The following CNTN5 variants were observed in gnomAD, a reference collection of about 807,000 sequenced individuals.
CNTN5 encodes contactin 5, also known as contactin-5.
A neutral mutation model predicts 129.1 loss-of-function variants in CNTN5; 77 were observed. The observed-to-expected ratio is 0.60, with a 90% CI of 0.50 to 0.72. CNTN5 has a LOEUF of 0.72. CNTN5 is among the 30% of genes least tolerant of loss of function. The pLI is 0.00. For synonymous variants in CNTN5, 509 were observed against 465.6 expected (o/e 1.09, Z -1.20); for missense variants, 1,478 against 1,328.8 (o/e 1.11, Z -1.75).
At chr11:100,065,302 G>A (rs1360391990) in intron 10 of CNTN5, among the ~76,000 whole-genome samples, 1 of 151,556 alleles carries the variant, frequency 6.6e-6, no homozygotes, top group Non-Finnish European at 1.5e-5. Flanking sequence ...TTTTCATCCA[G>A]CCCTGTGAAT....
intron 13 of CNTN5, among the ~76,000 whole-genome samples, chr11:100,134,674 A>G (rs1346137358): frequency 6.6e-6 from 1 of 152,186 alleles, no homozygotes. Flanking sequence ...TTGTGCAACA[A>G]AACTGCACAT....
At chr11:100,018,112 A>G (rs1470854159) in intron 9 of CNTN5, among the ~76,000 whole-genome samples, 1 of 152,024 alleles carries the variant, frequency 6.6e-6, no homozygotes, top group Non-Finnish European at 1.5e-5. Flanking sequence ...CTGTACTGCT[A>G]AAGTATTTCT....
chr11:99,481,763 T>C (rs1945610902), intron 2 of CNTN5, among the ~76,000 whole-genome samples: 1 of 152,180 alleles, frequency 6.6e-6, no homozygotes, highest in Non-Finnish European at 1.5e-5. Flanking sequence ...TAAATACTTA[T>C]CTTTTTAATT....
intron 13 of CNTN5, among the ~76,000 whole-genome samples, chr11:100,127,744 C>T (rs538943113): frequency 8.1e-4 from 121 of 149,416 alleles, no homozygotes; most frequent in African/African-American, 1.5e-3. Flanking sequence ...CTGCCACCTC[C>T]GCCTTCCAGG....
chr11:99,037,571 C>CTTTTTTTTTTTTT (rs1863800101), intron 1 of CNTN5, among the ~76,000 whole-genome samples: 1 of 118,266 alleles, frequency 8.5e-6, no homozygotes, highest in African/African-American at 3.3e-5. Context: ...CTTCTTTTTT[C>CTTTTTTTTTTTTT]TTTTCTTTTT....
chr11:99,715,709 C>T (rs968035198), intron 3 of CNTN5, among the ~76,000 whole-genome samples: 2 of 151,858 alleles, frequency 1.3e-5, no homozygotes, highest in African/African-American at 4.8e-5. Flanking sequence ...GATCTAAAAG[C>T]ATTTGATAGA....
intron 2 of CNTN5, among the ~76,000 whole-genome samples, chr11:99,478,517 A>G (rs1048335282): frequency 2.1e-4 from 32 of 152,156 alleles, no homozygotes; most frequent in African/African-American, 6.8e-4. Context: ...CACTCAAAGG[A>G]TGGAGATTAC....
chr11:100,298,658 A>G (rs1951149625), intron 19 of CNTN5, among the ~76,000 whole-genome samples: 1 of 151,410 alleles, frequency 6.6e-6, no homozygotes, highest in Non-Finnish European at 1.5e-5. Flanking sequence ...TAAGCCATAT[A>G]GCACAAGAAG....
chr11:100,340,334 G>T, intron 21 of CNTN5, 129 bp from the exon 22 acceptor site: 1 of 619,050 alleles, frequency 1.6e-6, no homozygotes, highest in Non-Finnish European at 2.8e-6. Context: ...CCTGTTAATT[G>T]GGTGATATAG....
intron 2 of CNTN5, among the ~76,000 whole-genome samples, chr11:99,342,044 GCTAT>G (rs1460553659): frequency 6.6e-6 from 1 of 152,010 alleles, no homozygotes; most frequent in Non-Finnish European, 1.5e-5. Context: ...AAAATAATAA[GCTAT>G]CTAACATATC....
intron 1 of CNTN5, among the ~76,000 whole-genome samples, chr11:99,247,690 C>G (rs1043677351): frequency 6.6e-6 from 1 of 151,970 alleles, no homozygotes; most frequent in Non-Finnish European, 1.5e-5. Flanking sequence ...CAATTCCCAC[C>G]TATCAGTGAG....
intron 1 of CNTN5, among the ~76,000 whole-genome samples, chr11:99,080,038 T>C (rs1865726801): frequency 6.6e-6 from 1 of 152,172 alleles, no homozygotes; most frequent in Admixed American, 6.6e-5. Flanking sequence ...CCTAACACAT[T>C]ATAGATACCC....
intron 3 of CNTN5, among the ~76,000 whole-genome samples, chr11:99,643,659 G>A (rs608165): frequency 0.6 from 91,328 of 151,800 alleles, 28,301 homozygotes; most frequent in Admixed American, 0.69. Flanking sequence ...CCACTGGCTG[G>A]GCTCTTACTG....
At chr11:99,492,203 T>C (rs768070866) in intron 2 of CNTN5, among the ~76,000 whole-genome samples, 2 of 152,170 alleles carry the variant, frequency 1.3e-5, no homozygotes, top group Non-Finnish European at 2.9e-5. Context: ...GGCTGACATT[T>C]ATGTGACGGG....
At chr11:100,337,683 T>C in intron 21 of CNTN5, 1 of 596,518 alleles carries the variant, frequency 1.7e-6, no homozygotes, top group Non-Finnish European at 3.3e-6. Flanking sequence ...CACAATCTGT[T>C]TTCTCCAGCT....
intron 13 of CNTN5, among the ~76,000 whole-genome samples, chr11:100,088,023 T>C (rs1309087542): frequency 6.8e-6 from 1 of 146,216 alleles, no homozygotes; most frequent in Non-Finnish European, 1.5e-5. Flanking sequence ...AGTAAAACAA[T>C]AAAATTAAGG....
chr11:99,764,697 A>C (rs978127060), intron 3 of CNTN5, among the ~76,000 whole-genome samples: 3 of 152,142 alleles, frequency 2.0e-5, no homozygotes, highest in Non-Finnish European at 4.4e-5. Context: ...ATCAATTTTT[A>C]AAAACCATTT....
intron 13 of CNTN5, among the ~76,000 whole-genome samples, chr11:100,187,139 T>G (rs948023338): frequency 3.3e-5 from 5 of 152,156 alleles, no homozygotes; most frequent in Non-Finnish European, 4.4e-5. Flanking sequence ...TCCTAGGTAT[T>G]TTAATTTTTT....
At chr11:99,719,303 G>A (rs550046659) in intron 3 of CNTN5, among the ~76,000 whole-genome samples, 1 of 151,920 alleles carries the variant, frequency 6.6e-6, no homozygotes. Flanking sequence ...TTGGGCGAGA[G>A]AATGAGACTT....
Sources: allele counts gnomAD v4.1 joint callset (sites outside exome capture counted in the v4.1 genomes callset), GRCh38; gene constraint gnomAD v4.1.1; transcripts MANE v1.5; gene names NCBI Gene and HGNC (gene_info 2026-07-23, HGNC 2026-07-21).